Variants in FHIT observed in about 807,000 individuals in gnomAD.
FHIT encodes bis(5'-adenosyl)-triphosphatase.
Under a neutral mutation model 17.9 loss-of-function variants are expected in FHIT, and 19 were observed. The observed-to-expected ratio is 1.06, with a 90% CI of 0.74 to 1.56. FHIT has a LOEUF of 1.56. Among genes scored for constraint, FHIT ranks in the 40% most tolerant of loss-of-function variants. FHIT has a pLI of 0.00. For synonymous variants in FHIT, 81 were observed against 69.7 expected (o/e 1.16, Z -0.81); for missense variants, 248 against 189.2 (o/e 1.31, Z -1.82).
intron 4 of FHIT, among the ~76,000 whole-genome samples, chr3:60,559,575 G>T (rs1253791762): frequency 2.0e-5 from 3 of 151,984 alleles, no homozygotes; most frequent in Non-Finnish European, 4.4e-5. Flanking sequence ...CACTTTAGAG[G>T]ACAATGCACA....
chr3:60,765,239 C>G (rs1699809391), intron 4 of FHIT, among the ~76,000 whole-genome samples: 1 of 152,176 alleles, frequency 6.6e-6, no homozygotes, highest in African/African-American at 2.4e-5. Flanking sequence ...CCTTGAAAAT[C>G]ATGAGGAAAT....
At chr3:60,390,255 T>C (rs1040808208) in intron 5 of FHIT, among the ~76,000 whole-genome samples, 1 of 152,022 alleles carries the variant, frequency 6.6e-6, no homozygotes, top group African/African-American at 2.4e-5. Context: ...GATTTCAAAT[T>C]TGGATTTTTA....
At chr3:61,085,451 A>T (rs1304078808) in intron 2 of FHIT, among the ~76,000 whole-genome samples, 1 of 152,056 alleles carries the variant, frequency 6.6e-6, no homozygotes, top group Non-Finnish European at 1.5e-5. Context: ...ATTATTTGCC[A>T]TTAATGTATA....
intron 8 of FHIT, among the ~76,000 whole-genome samples, chr3:59,853,846 G>C (rs1455750309): frequency 1.3e-5 from 2 of 152,050 alleles, no homozygotes; most frequent in African/African-American, 4.8e-5. Flanking sequence ...TACTTATTGA[G>C]AGTCTAGAGT....
intron 4 of FHIT, among the ~76,000 whole-genome samples, chr3:60,714,731 C>T (rs373644247): frequency 1.0e-3 from 156 of 152,126 alleles, no homozygotes; most frequent in South Asian, 7.1e-3. Context: ...TTACAAGGGA[C>T]GTGAAGGACC....
rs1260159037 is a variant in FHIT, at chr3:60,432,566, A to C, written c.103+104294T>G. Among the ~76,000 whole-genome samples the C allele has an allele frequency of 2.0e-5, 3 of 152,108 alleles. No individual in the cohort carries two copies. The South Asian group carries it at 6.2e-4, about 32-fold the overall frequency. ...TAAAAGCTTCTGAGGATGGCTTATC[A>C]GTACTTCATAAGCAAGAGACTACTA... On this transcript the variant is annotated intron_variant, in intron 5 of 9. Coordinates refer to ENST00000492590, the MANE Select transcript of FHIT (RefSeq NM_002012.4).
chr3:60,925,963 C>T (rs1266444048), intron 3 of FHIT, among the ~76,000 whole-genome samples: 1 of 152,158 alleles, frequency 6.6e-6, no homozygotes, highest in Non-Finnish European at 1.5e-5. Context: ...CAAAGAAGGC[C>T]ATTACATAAT....
At chr3:60,725,940 A>C (rs2041908672) in intron 4 of FHIT, among the ~76,000 whole-genome samples, 1 of 152,194 alleles carries the variant, frequency 6.6e-6, no homozygotes, top group African/African-American at 2.4e-5. Context: ...GATGTAAAAA[A>C]ATTTTCCTTA....
intron 4 of FHIT, among the ~76,000 whole-genome samples, chr3:60,543,907 C>CTTTTTTTGTTTTTTT (rs2036270657): frequency 1.9e-5 from 1 of 52,076 alleles, no homozygotes; most frequent in Non-Finnish European, 3.0e-5. Flanking sequence ...CCACGCCCGG[C>CTTTTTTTGTTTTTTT]TTTTTTTTTT....
chr3:61,098,004 T>C (rs1293755311), intron 2 of FHIT, among the ~76,000 whole-genome samples: 1 of 152,244 alleles, frequency 6.6e-6, no homozygotes, highest in Non-Finnish European at 1.5e-5. Context: ...TTTTAGCATG[T>C]TTGTCATTAA....
intron 3 of FHIT, among the ~76,000 whole-genome samples, chr3:60,935,318 A>G (rs1453872119): frequency 6.6e-6 from 1 of 152,250 alleles, no homozygotes; most frequent in Non-Finnish European, 1.5e-5. Context: ...CACTAGAGAA[A>G]TAACAATGAC....
At chr3:59,764,590 T>C (rs756526655) in intron 8 of FHIT, among the ~76,000 whole-genome samples, 17 of 152,134 alleles carry the variant, frequency 1.1e-4, no homozygotes, top group Admixed American at 3.3e-4. Flanking sequence ...CACAAACAAA[T>C]TGGAGCCAAC....
intron 5 of FHIT, among the ~76,000 whole-genome samples, chr3:60,522,106 G>GT (rs372184170): frequency 0.098 from 13,121 of 133,290 alleles, 840 homozygotes; most frequent in African/African-American, 0.13. Flanking sequence ...GCAACCAGAA[G>GT]TTTTTTTTTT....
intron 2 of FHIT, among the ~76,000 whole-genome samples, chr3:61,059,845 G>A (rs1036336917): frequency 4.3e-4 from 65 of 152,262 alleles, no homozygotes; most frequent in African/African-American, 1.5e-3. Flanking sequence ...GATTCCCAGT[G>A]GGGCCCCTGT....
chr3:60,464,687 A>C (rs1384857774), intron 5 of FHIT, among the ~76,000 whole-genome samples: 1 of 152,252 alleles, frequency 6.6e-6, no homozygotes, highest in East Asian at 1.9e-4. Flanking sequence ...GCAAATGACA[A>C]GATATCATTC....
At chr3:60,508,303 G>A (rs745909051) in intron 5 of FHIT, among the ~76,000 whole-genome samples, 17 of 152,092 alleles carry the variant, frequency 1.1e-4, no homozygotes, top group Admixed American at 4.6e-4. Flanking sequence ...TCCATGAAGC[G>A]ATAGATCTTA....
intron 5 of FHIT, among the ~76,000 whole-genome samples, chr3:60,114,501 T>TTTTTTTA (rs1309599137): frequency 7.7e-6 from 1 of 130,436 alleles, no homozygotes; most frequent in Non-Finnish European, 1.6e-5. Context: ...TTTTTTTTTT[T>TTTTTTTA]TTTTTTTTTT....
chr3:60,291,203 C>G (rs942886714), intron 5 of FHIT, among the ~76,000 whole-genome samples: 1 of 151,902 alleles, frequency 6.6e-6, no homozygotes, highest in Non-Finnish European at 1.5e-5. Context: ...AATGGGTTGC[C>G]GGTCCACAGG....
chr3:60,861,682 C>A (rs1703904402), intron 3 of FHIT, among the ~76,000 whole-genome samples: 2 of 152,000 alleles, frequency 1.3e-5, no homozygotes, highest in South Asian at 4.2e-4. Flanking sequence ...AGGTCCAGCC[C>A]AGTTTTTTTA....
Sources: allele counts gnomAD v4.1 joint callset (sites outside exome capture counted in the v4.1 genomes callset), GRCh38; gene constraint gnomAD v4.1.1; transcripts MANE v1.5; gene names NCBI Gene and HGNC (gene_info 2026-07-23, HGNC 2026-07-21).